Variants in SLC30A2 observed in about 807,000 individuals in gnomAD.
The protein encoded by SLC30A2 is proton-coupled zinc antiporter SLC30A2.
A neutral mutation model predicts 39.6 loss-of-function variants in SLC30A2; 19 were observed. The ratio of observed to expected loss-of-function variants is 0.48; its 90% confidence interval spans 0.34 to 0.70. The LOEUF is 0.70. Among genes scored for constraint, SLC30A2 ranks in the 30% least tolerant of loss-of-function variants. The pLI is 0.01. For synonymous variants in SLC30A2, 195 were observed against 194.8 expected (o/e 1.00, Z -0.01); for missense variants, 387 against 479.4 (o/e 0.81, Z 1.80).
chr1:26,045,480 G>C, intron 1 of SLC30A2: 2 of 592,038 alleles, frequency 3.4e-6, no homozygotes, highest in Non-Finnish European at 6.0e-6. Context: ...AGTGGAGCGC[G>C]GGGAAGGAAC....
Position 26,044,210 on chromosome 1 carries a change from G to T in SLC30A2, c.418+88C>A, listed in dbSNP as rs987848538. The T allele has an allele frequency of 3.6e-6, 5 of 1,389,334 alleles. No individual in the cohort carries two copies. The African/African-American group carries it at 7.1e-5, about 20-fold the overall frequency. The allele number at this position is 1,389,334 out of a possible 1,614,324, so 86.1% of individuals were successfully genotyped here. A position where few individuals can be genotyped will look rare whatever the true frequency, so the allele number is the denominator to read the frequency against. ...CTGGCCTCACTCAGGGGAGGAAGGG[G>T]GGATCCACCCATTACAGCCACCTAA... On this transcript the variant is annotated intron_variant, in intron 3 of 7. Transcript: ENST00000374276.
chr1:26,040,926 C>G (rs1054722626), intron 6 of SLC30A2, among the ~76,000 whole-genome samples: 5 of 144,312 alleles, frequency 3.5e-5, no homozygotes, highest in East Asian at 2.1e-4. Flanking sequence ...ACCCCCCCCC[C>G]ATCTCTACAA....
chr1:26,043,950 C>T (rs557926546), intron 3 of SLC30A2, among the ~76,000 whole-genome samples: 1 of 152,174 alleles, frequency 6.6e-6, no homozygotes, highest in Non-Finnish European at 1.5e-5. Context: ...CTTCCAGCAG[C>T]CTTTGCTGGC....
chr1:26,038,391 C>A lies in SLC30A2; in HGVS notation c.*769G>T, dbSNP rs1272186453. ...GGCCAGGTAGGCAACAGAGTTGGCC[C>A]AGCCATATCTTTCTGGAGACTCTGA... is the stretch of plus-strand genomic sequence containing the variant. On this transcript the variant is annotated 3_prime_UTR_variant, in exon 8 of 8. Coordinates refer to ENST00000374276, the MANE Select transcript of SLC30A2 (RefSeq NM_001004434.3). The A allele has an allele frequency of 6.6e-6, 1 of 152,250 alleles. No individual in the cohort carries two copies. Among genetic ancestry groups the A allele is most frequent in the Non-Finnish European group, 1.5e-5 (1 of 68,078 alleles). 9.4% of individuals were successfully genotyped at this position (152,250 alleles called of 1,614,324 possible).
chr1:26,042,399 T>C, intron 5 of SLC30A2, 150 bp downstream of exon 5: 1 of 694,974 alleles, frequency 1.4e-6, no homozygotes, highest in Non-Finnish European at 2.5e-6. Context: ...TGACACTTGG[T>C]AGGTATTGGA....
chr1:26,043,248 C>G, intron 4 of SLC30A2, 150 bp downstream of exon 4: 15 of 806,060 alleles, frequency 1.9e-5, no homozygotes, highest in Non-Finnish European at 2.6e-5. Flanking sequence ...CCCAGGTGTT[C>G]CAGGTGCCAG....
intron 4 of SLC30A2, among the ~76,000 whole-genome samples, chr1:26,043,110 CT>C (rs2050417186): frequency 6.6e-6 from 1 of 152,220 alleles, no homozygotes; most frequent in Non-Finnish European, 1.5e-5. Context: ...AACAACTGGC[CT>C]CTTCCCGCCC....
Position 26,045,904 on chromosome 1 carries a change from C to T in SLC30A2, c.-8G>A, listed in dbSNP as rs773125636. Reference sequence around the variant, plus strand: ...CTTCTCCTTGGCCTCCATGCAGTCCCGCGCCGAGTCCCGGCAGCCGCGCAG... The same window carrying T: ...CTTCTCCTTGGCCTCCATGCAGTCCTGCGCCGAGTCCCGGCAGCCGCGCAG... On this transcript the variant is annotated 5_prime_UTR_variant, in exon 1 of 8. Transcript: ENST00000374276. 28 of 1,610,300 alleles carry T rather than the reference C, an allele frequency of 1.7e-5. No individual in the cohort carries two copies. The highest frequency in any genetic ancestry group is 2.2e-5 in the Non-Finnish European group (26 of 1,179,530).
intron 2 of SLC30A2, 152 bp downstream of exon 2, chr1:26,044,845 C>T (rs2050441763): frequency 1.5e-6 from 1 of 669,992 alleles, no homozygotes; most frequent in African/African-American, 1.8e-5. Flanking sequence ...CATGTGAGAA[C>T]ACAGGTTGTT....
chr1:26,041,715 G>C lies in SLC30A2; in HGVS notation c.823C>G (p.Leu275Val). 6.2e-7 allele frequency: 1 copy of C among 1,611,174 alleles called. No individual in the cohort carries two copies. Among genetic ancestry groups the C allele is most frequent in the East Asian group, 2.2e-5 (1 of 44,864 alleles). The change falls in exon 6 of 8, where the codon CTG becomes GTG. Residue 275 changes from leucine (L) to valine (V), a missense_variant. Coordinates refer to ENST00000374276, the MANE Select transcript of SLC30A2 (RefSeq NM_001004434.3). ...CCCAGGTTACCTTCCATCAACACCA[G>C]GATCACATCTCTCAGGATGGTCAAG... ...TTLTILRDVI[L>V]VLMEGTPKGV...
chr1:26,042,560 A>G lies in SLC30A2; in HGVS notation c.721T>C (p.Leu241=), dbSNP rs772867032. Residue 241 remains leucine, a synonymous_variant, in exon 5 of 8, where the codon TTA becomes CTA. Transcript: ENST00000374276. ...SMGVLVAAYI[L]YFKPEYKYVD... ...GTCCCAGCTCTGACCTTGAAGTATA[A>G]AATATAGGCTGCCACTAGGACACCC... 6.2e-6 allele frequency: 10 copies of G among 1,613,706 alleles called. No individual in the cohort carries two copies. In the African/African-American group the frequency reaches 1.1e-4, roughly 17 times the overall value.
chr1:26,041,869 C>G, intron 5 of SLC30A2, 64 bp from the exon 6 acceptor site: 1 of 992,346 alleles, frequency 1.0e-6, no homozygotes, highest in East Asian at 2.5e-5. Flanking sequence ...CCCTTCTCCC[C>G]TCCCACCCAG....
Position 26,043,506 on chromosome 1 carries a change from G to A in SLC30A2, c.464C>T (p.Thr155Met), listed in dbSNP as rs370485489. 10 of 1,614,002 alleles carry A rather than the reference G, an allele frequency of 6.2e-6. No individual in the cohort carries two copies. Among genetic ancestry groups the A allele is most frequent in the East Asian group, 2.2e-5 (1 of 44,868 alleles). The change falls in exon 4 of 8, where the codon ACG becomes ATG. Residue 155 changes from threonine to methionine, a missense_variant. Thr to Met is a moderately conservative substitution (Grantham distance 81). Coordinates refer to ENST00000374276, the MANE Select transcript of SLC30A2 (RefSeq NM_001004434.3). Reference protein sequence around the residue: ...LVSVLSIWVVTGVLVYLAVER... With the variant: ...LVSVLSIWVVMGVLVYLAVER... ...CACAGCCAGGTACACCAGTACCCCCGTCACGACCCAGATGGACAGTACAGA... is the reference window on the plus strand; with the variant it reads ...CACAGCCAGGTACACCAGTACCCCCATCACGACCCAGATGGACAGTACAGA...
Position 26,043,562 on chromosome 1 carries a change from A to G in SLC30A2, c.419-11T>C. ...GGGCTCCCAAGATCTCTGAGGAAGA[A>G]CCCAACCCCAACACCCACCTTGGCA... is the stretch of plus-strand genomic sequence containing the variant. On this transcript the variant is annotated splice_polypyrimidine_tract_variant and intron_variant, in intron 3 of 7. Transcript: ENST00000374276. 6.2e-7 allele frequency: 1 copy of G among 1,611,744 alleles called. No individual in the cohort carries two copies. The highest frequency in any genetic ancestry group is 8.5e-7 in the Non-Finnish European group (1 of 1,178,608).
chr1:26,041,493 C>G (rs112750628), intron 6 of SLC30A2, among the ~76,000 whole-genome samples: 1 of 152,146 alleles, frequency 6.6e-6, no homozygotes, highest in Non-Finnish European at 1.5e-5. Context: ...GGCTGGGGGA[C>G]GGTTCCAGGA....
At chr1:26,042,759 T>C in intron 4 of SLC30A2, 51 bp from the exon 5 acceptor site, 1 of 1,571,872 alleles carries the variant, frequency 6.4e-7, no homozygotes, top group Non-Finnish European at 8.7e-7. Context: ...CAGATGGAGG[T>C]CACCTATTAG....
intron 5 of SLC30A2, among the ~76,000 whole-genome samples, chr1:26,042,230 G>A (rs1001309316): frequency 3.3e-5 from 5 of 152,234 alleles, no homozygotes; most frequent in Non-Finnish European, 7.3e-5. Flanking sequence ...CTGCCTCTAT[G>A]TGATGGGCAT....
In SLC30A2 at chr1:26,039,674, C is replaced by T. The variant is rs1261684748; in HGVS notation, c.973+103G>A. 7 of 1,178,236 alleles carry T rather than the reference C, an allele frequency of 5.9e-6. No individual in the cohort carries two copies. The highest frequency in any genetic ancestry group is 8.5e-6 in the Non-Finnish European group (7 of 827,020). 73.0% of individuals were successfully genotyped at this position (1,178,236 alleles called of 1,614,324 possible). On this transcript the variant is annotated intron_variant, in intron 7 of 7. Transcript: ENST00000374276. This position sits in a 1 kb window ranked among gnomAD's most constrained non-coding sequence, Gnocchi z 4.3. ...ACTCAGCATGAGGCTGGGCTTGATG[C>T]ATGGGCACTGTGAGCATCTGGGGTC...
At chr1:26,041,441 G>A (rs2124422483) in intron 6 of SLC30A2, among the ~76,000 whole-genome samples, 1 of 152,284 alleles carries the variant, frequency 6.6e-6, no homozygotes, top group East Asian at 1.9e-4. Flanking sequence ...ACCTGACTAG[G>A]CAGAGGAGGC....
Sources: allele counts gnomAD v4.1 joint callset (sites outside exome capture counted in the v4.1 genomes callset), GRCh38; gene constraint gnomAD v4.1.1; non-coding constraint Gnocchi (gnomAD v3.1); transcripts MANE v1.5; gene names NCBI Gene and HGNC (gene_info 2026-07-23, HGNC 2026-07-21).